Variants in IQCH observed in about 807,000 individuals in gnomAD.
IQCH encodes IQ domain-containing protein H.
A neutral mutation model predicts 117.0 loss-of-function variants in IQCH; 98 were observed. The observed-to-expected ratio is 0.84, with a 90% CI of 0.71 to 0.99. The LOEUF is 0.99. IQCH is among the 50% of genes least tolerant of loss of function. The pLI is 0.00. For missense variants in IQCH, 1,102 were observed against 1,243.8 expected, an observed-to-expected ratio of 0.89 and a Z score of 1.72; for synonymous variants, 412 against 448.2, an observed-to-expected ratio of 0.92 and a Z score of 1.02.
intron 3 of IQCH, among the ~76,000 whole-genome samples, chr15:67,275,066 C>T (rs1477986317): frequency 1.3e-5 from 2 of 152,150 alleles, no homozygotes; most frequent in African/African-American, 2.4e-5. Context: ...TCTCCTTTGG[C>T]CTAGTTACAG....
In IQCH at chr15:67,447,335, G is replaced by C. The variant is rs1213282673; in HGVS notation, c.2506-17792G>C. ...GCTGCAAGGCAGCTTTCTAAAGATT[G>C]CTGCCATCCAAAAGGATGTCCTATT... On this transcript the variant is annotated intron_variant, in intron 16 of 20. Transcript: ENST00000335894. This position sits in a 1 kb window ranked among gnomAD's most constrained non-coding sequence, Gnocchi z 5.3. 6.6e-6 allele frequency among the ~76,000 whole-genome samples: 1 copy of C among 152,122 alleles called. No individual in the cohort carries two copies. Among genetic ancestry groups the C allele is most frequent in the Non-Finnish European group, 1.5e-5 (1 of 68,028 alleles).
At position 67,483,516 on chromosome 15, in the gene IQCH, C is replaced by CT. The variant is rs532524549; in HGVS notation, c.2800-6486dup. Among the ~76,000 whole-genome samples, 190 of 152,216 alleles carry CT rather than the reference C, an allele frequency of 1.2e-3. 1 individual carries two copies. The highest frequency in any genetic ancestry group is 3.4e-3 in the Middle Eastern group (1 of 294). On this transcript the variant is annotated intron_variant, in intron 18 of 20. Coordinates refer to ENST00000335894, the MANE Select transcript of IQCH (RefSeq NM_001031715.3). ...TGGGTGAGAAAGCAAGACTCCATCT[C>CT]TAAAAAAATTAAAGAAAGAAAGAAC...
intron 18 of IQCH, among the ~76,000 whole-genome samples, chr15:67,480,002 C>T (rs150608508): frequency 6.6e-6 from 1 of 152,260 alleles, no homozygotes; most frequent in East Asian, 1.9e-4. Context: ...TACAGAATAC[C>T]CCCACTGACT....
Position 67,405,753 on chromosome 15 carries a change from G to T in IQCH, c.2097+5448G>T, listed in dbSNP as rs933349923. On this transcript the variant is annotated intron_variant, in intron 14 of 20. Transcript: ENST00000335894. The surrounding 1 kb of genome is among the most constrained non-coding windows in gnomAD (Gnocchi z 4.8). ...AAGTCCTGGGAAGTGTTCTCCCTCAGGTCCTTGCCTTTGTGACTCATACCG... is the reference window on the plus strand; with the variant it reads ...AAGTCCTGGGAAGTGTTCTCCCTCATGTCCTTGCCTTTGTGACTCATACCG... 1 of 152,244 alleles carries T rather than the reference G, an allele frequency of 6.6e-6. No homozygotes were observed. The highest frequency in any genetic ancestry group is 2.4e-5 in the African/African-American group (1 of 41,464). The allele number at this position is 152,244 out of a possible 1,614,324, so 9.4% of individuals were successfully genotyped here.
chr15:67,268,241 G>A (rs186476125), intron 3 of IQCH, among the ~76,000 whole-genome samples: 10 of 152,298 alleles, frequency 6.6e-5, no homozygotes, highest in Admixed American at 2.0e-4. Context: ...GGTACACAAA[G>A]TGGTGATAAC....
At position 67,432,689 on chromosome 15, in the gene IQCH, T is replaced by C. The variant is rs1484647234; in HGVS notation, c.2505+11112T>C. On this transcript the variant is annotated intron_variant, in intron 16 of 20. Coordinates refer to ENST00000335894, the MANE Select transcript of IQCH (RefSeq NM_001031715.3). This position sits in a 1 kb window ranked among gnomAD's most constrained non-coding sequence, Gnocchi z 5.0. ...TTTTAAAAGTCACTGAGCATTATCATCATCTCAAAGTGATATATAAGCATC... is the reference window on the plus strand; with the variant it reads ...TTTTAAAAGTCACTGAGCATTATCACCATCTCAAAGTGATATATAAGCATC... 3.3e-5 allele frequency among the ~76,000 whole-genome samples: 5 copies of C among 152,240 alleles called. No individual in the cohort carries two copies. The highest frequency in any genetic ancestry group is 9.6e-5 in the African/African-American group (4 of 41,460).
chr15:67,499,881 A>G (rs1260876566), intron 20 of IQCH, among the ~76,000 whole-genome samples: 1 of 152,210 alleles, frequency 6.6e-6, no homozygotes, highest in Non-Finnish European at 1.5e-5. Flanking sequence ...CACATATTGT[A>G]TGGTTTCATT....
At chr15:67,286,604 T>TTATG (rs1555434606) in intron 4 of IQCH, among the ~76,000 whole-genome samples, 6 of 121,086 alleles carry the variant, frequency 5.0e-5, no homozygotes, top group Admixed American at 4.8e-4. Flanking sequence ...ATTTATTTAT[T>TTATG]TATTTATTTA....
At chr15:67,324,005 G>A (rs1384455543) in intron 4 of IQCH, among the ~76,000 whole-genome samples, 10 of 143,508 alleles carry the variant, frequency 7.0e-5, no homozygotes, top group Admixed American at 2.9e-4. Flanking sequence ...ATGCAATGGC[G>A]TGATCTCGGC....
intron 16 of IQCH, among the ~76,000 whole-genome samples, chr15:67,452,501 TA>T (rs1479716292): frequency 6.6e-6 from 1 of 152,262 alleles, no homozygotes; most frequent in Non-Finnish European, 1.5e-5. Flanking sequence ...TTTGGCTGGA[TA>T]TGAAATTCTG....
intron 4 of IQCH, among the ~76,000 whole-genome samples, chr15:67,288,704 C>T (rs1442220258): frequency 6.6e-6 from 1 of 152,098 alleles, no homozygotes; most frequent in African/African-American, 2.4e-5. Flanking sequence ...TCCAGCCACT[C>T]TGTGTCTTTT....
rs374428966 is a variant in IQCH at position 67,321,513 on chromosome 15, T to TTTTC, written c.388-15445_388-15442dup. Reference sequence around the variant, plus strand: ...TTTTCTTTCTTTTTTCTTTCTTTCTTTTTCTTTCTTTCTTTCTTTCCTTCC... The same window carrying TTTTC: ...TTTTCTTTCTTTTTTCTTTCTTTCTTTTTCTTTCTTTCTTTCTTTCTTTCCTTCC... On this transcript the variant is annotated intron_variant, in intron 4 of 20. Transcript: ENST00000335894. Among the ~76,000 whole-genome samples the TTTTC allele has an allele frequency of 3.7e-3, 553 of 149,658 alleles. 2 individuals carry two copies. Among genetic ancestry groups the TTTTC allele is most frequent in the Non-Finnish European group, 6.0e-3 (407 of 67,710 alleles).
Position 67,359,472 on chromosome 15 carries a change from A to G in IQCH, c.715-375A>G, listed in dbSNP as rs958533351. ...CCTGGGCATGGAAGTTAAAAGGCTA[A>G]GAGAAGGACTTCAGTATGCCAAGCC... On this transcript the variant is annotated intron_variant, in intron 7 of 20. Coordinates refer to ENST00000335894, the MANE Select transcript of IQCH (RefSeq NM_001031715.3). This position sits in a 1 kb window ranked among gnomAD's most constrained non-coding sequence, Gnocchi z 4.5. 2.0e-5 allele frequency among the ~76,000 whole-genome samples: 3 copies of G among 152,214 alleles called. No homozygotes were observed. The highest frequency in any genetic ancestry group is 6.5e-5 in the Admixed American group (1 of 15,286).
At position 67,260,888 on chromosome 15, in the gene IQCH, T is replaced by C. The variant is rs541778594; in HGVS notation, c.52-384T>C. Among the ~76,000 whole-genome samples the C allele has an allele frequency of 5.3e-5, 8 of 152,024 alleles. No individual in the cohort carries two copies. The East Asian group carries it at 1.6e-3, about 29-fold the overall frequency. ...CGAGGTGGGAAGATCATGAGGACAG[T>C]AGTTTGAGACCAGCCTGACCAACAT... On this transcript the variant is annotated intron_variant, in intron 1 of 20. Coordinates refer to ENST00000335894, the MANE Select transcript of IQCH (RefSeq NM_001031715.3).
chr15:67,450,568 G>A (rs1441919487), intron 16 of IQCH, among the ~76,000 whole-genome samples: 1 of 152,156 alleles, frequency 6.6e-6, no homozygotes, highest in Non-Finnish European at 1.5e-5. Flanking sequence ...TCCCAGGGAT[G>A]AAGCCCACTT....
intron 4 of IQCH, among the ~76,000 whole-genome samples, chr15:67,332,285 T>C (rs189140518): frequency 2.4e-4 from 37 of 152,206 alleles, no homozygotes; most frequent in Admixed American, 1.8e-3. Context: ...AAAGAATGCT[T>C]CAGACATCCA....
At chr15:67,402,821 T>G (rs143309203) in intron 14 of IQCH, among the ~76,000 whole-genome samples, 1 of 152,362 alleles carries the variant, frequency 6.6e-6, no homozygotes, top group Non-Finnish European at 1.5e-5. Flanking sequence ...TTTTTCTCAT[T>G]GGTATGTTGT....
intron 5 of IQCH, among the ~76,000 whole-genome samples, chr15:67,338,465 T>C (rs1320759238): frequency 6.6e-6 from 1 of 152,118 alleles, no homozygotes; most frequent in Non-Finnish European, 1.5e-5. Context: ...CAAGATACTA[T>C]GAATGTCAGG....
At position 67,373,427 on chromosome 15, in the gene IQCH, T is replaced by TA; in HGVS notation, c.1366_1367insA (p.Ser456TyrfsTer28). The TA allele has an allele frequency of 6.2e-7, 1 of 1,604,862 alleles. No homozygotes were observed. Among genetic ancestry groups the TA allele is most frequent in the Middle Eastern group, 1.7e-4 (1 of 6,052 alleles). The stretch of plus-strand genomic sequence containing the variant: ...CAGGAGGACTATTATCCATATCCCA[T>TA]CATTAGGTATAACACTTTTGCCTGC... On this transcript the variant is annotated frameshift_variant, in exon 10 of 21. Transcript: ENST00000335894. LOFTEE classifies it high-confidence loss of function.
Sources: allele counts gnomAD v4.1 joint callset (sites outside exome capture counted in the v4.1 genomes callset), GRCh38; gene constraint gnomAD v4.1.1; non-coding constraint Gnocchi (gnomAD v3.1); transcripts MANE v1.5; gene names NCBI Gene and HGNC (gene_info 2026-07-23, HGNC 2026-07-21).